Variants in SNX29 observed in about 807,000 individuals in gnomAD.
The protein encoded by SNX29 is sorting nexin-29.
SNX29 carries 78 observed loss-of-function variants against 102.1 expected under a neutral mutation model. The observed-to-expected ratio is 0.76, with a 90% CI of 0.64 to 0.92. The LOEUF (loss-of-function observed/expected upper bound fraction) is 0.92. Among genes scored for constraint, SNX29 ranks in the 40% least tolerant of loss-of-function variants. The pLI is 0.00. For synonymous variants in SNX29, 580 were observed against 414.5 expected, an observed-to-expected ratio of 1.40 and a Z score of -4.85; for missense variants, 1,280 against 1,061.7, an observed-to-expected ratio of 1.21 and a Z score of -2.86.
chr16:12,153,308 T>A (rs1356030811), intron 13 of SNX29, among the ~76,000 whole-genome samples: 1 of 151,774 alleles, frequency 6.6e-6, no homozygotes, highest in Non-Finnish European at 1.5e-5. Context: ...GTACAGAGGG[T>A]CATGACATCT....
In SNX29 at chr16:12,356,623, C is replaced by G. The variant is rs762883342; in HGVS notation, c.1899+344C>G. Among the ~76,000 whole-genome samples the G allele has an allele frequency of 2.7e-4, 41 of 152,166 alleles. 1 individual carries two copies. The highest frequency in any genetic ancestry group is 7.3e-5 in the Non-Finnish European group (5 of 68,032). On this transcript the variant is annotated intron_variant, in intron 16 of 20. Transcript: ENST00000566228. ...TTGGTTTTGTGTTGTTAACTTTTAC[C>G]TACATGGTATTACTGTTGTATGTAT...
rs1206475519 is a variant in SNX29 at position 12,425,543 on chromosome 16, AATAAAAAAAAT to A, written c.2037+22016_2037+22026del. 1.7e-4 allele frequency among the ~76,000 whole-genome samples: 8 copies of A among 47,726 alleles called. 1 individual carries two copies. The highest frequency in any genetic ancestry group is 4.6e-4 in the Non-Finnish European group (8 of 17,414). 31.3% of individuals were successfully genotyped at this position (47,726 alleles called of 152,430 possible). On this transcript the variant is annotated intron_variant, in intron 18 of 20. Coordinates refer to ENST00000566228, the MANE Select transcript of SNX29 (RefSeq NM_032167.5). ...ATGACCAGAGTTAAAAAAAAAAAAAAATAAAAAAAATAAAAAGAGGGAATAGAAAACAGAGG... is the reference window on the plus strand; with the variant it reads ...ATGACCAGAGTTAAAAAAAAAAAAAAAAAAAGAGGGAATAGAAAACAGAGG...
Position 12,549,531 on chromosome 16 carries a change from A to AT in SNX29, c.2319-18975_2319-18974insT, listed in dbSNP as rs2077830762. 1.5e-4 allele frequency among the ~76,000 whole-genome samples: 5 copies of AT among 33,664 alleles called. No individual in the cohort carries two copies. In the African/African-American group the frequency reaches 4.1e-3, roughly 28 times the overall value. The allele number at this position is 33,664 out of a possible 152,430, so 22.1% of individuals were successfully genotyped here. On this transcript the variant is annotated intron_variant, in intron 20 of 20. Transcript: ENST00000566228. ...CATGCCATTTTTCATCCTCTATCTCAAATAGCCAGTAAGGCATGGAGTGGG... is the reference window on the plus strand; with the variant it reads ...CATGCCATTTTTCATCCTCTATCTCATAATAGCCAGTAAGGCATGGAGTGGG...
chr16:12,537,607 A>G (rs1276158704), intron 20 of SNX29, among the ~76,000 whole-genome samples: 2 of 152,202 alleles, frequency 1.3e-5, no homozygotes, highest in Admixed American at 1.3e-4. Flanking sequence ...CTCTCACTTC[A>G]GTCCCAAAAT....
At chr16:12,389,365 G>A (rs371068985) in intron 16 of SNX29, among the ~76,000 whole-genome samples, 5 of 152,140 alleles carry the variant, frequency 3.3e-5, no homozygotes, top group Non-Finnish European at 7.3e-5. Context: ...AATCACGGGG[G>A]CGGTTTCCTC....
chr16:12,057,196 A>G (rs1712205041), intron 8 of SNX29, among the ~76,000 whole-genome samples: 1 of 152,242 alleles, frequency 6.6e-6, no homozygotes, highest in African/African-American at 2.4e-5. Context: ...AGAAAGGACT[A>G]CAAACATATG....
intron 16 of SNX29, among the ~76,000 whole-genome samples, chr16:12,382,803 A>G (rs2432626): frequency 0.4 from 60,977 of 151,700 alleles, 13,636 homozygotes; most frequent in East Asian, 0.58. Context: ...TGGCCGTGTC[A>G]CACCAATCTC....
intron 14 of SNX29, among the ~76,000 whole-genome samples, chr16:12,240,315 C>A (rs2078063635): frequency 1.3e-5 from 2 of 152,198 alleles, no homozygotes; most frequent in African/African-American, 2.4e-5. Flanking sequence ...TTGACGCCAG[C>A]TGTGTATGAG....
intron 20 of SNX29, among the ~76,000 whole-genome samples, chr16:12,530,596 C>T (rs1029605416): frequency 6.6e-6 from 1 of 151,696 alleles, no homozygotes; most frequent in Non-Finnish European, 1.5e-5. Context: ...GCTCTTGTCG[C>T]CCAGGCTAGA....
intron 19 of SNX29, chr16:12,515,461 A>C (rs2089821825): frequency 2.1e-6 from 1 of 480,226 alleles, no homozygotes; most frequent in African/African-American, 2.0e-5. Context: ...TAGATCAGTC[A>C]GCTCTGAAAT....
intron 18 of SNX29, among the ~76,000 whole-genome samples, chr16:12,413,278 C>T (rs897807492): frequency 6.6e-6 from 1 of 152,078 alleles, no homozygotes; most frequent in African/African-American, 2.4e-5. Context: ...CCAGGTCACT[C>T]TTGCTGAAGT....
intron 11 of SNX29, among the ~76,000 whole-genome samples, chr16:12,079,511 A>C (rs2051756405): frequency 7.0e-6 from 1 of 142,464 alleles, no homozygotes; most frequent in South Asian, 2.2e-4. Context: ...CTTGTTCCCA[A>C]TTAAAAAAAA....
At chr16:12,409,554 G>T (rs753209334) in intron 18 of SNX29, among the ~76,000 whole-genome samples, 1 of 148,666 alleles carries the variant, frequency 6.7e-6, no homozygotes. Flanking sequence ...TCAGCCTCCC[G>T]AGTAGCTGGG....
At chr16:12,388,640 A>G (rs1345901194) in intron 16 of SNX29, among the ~76,000 whole-genome samples, 1 of 152,222 alleles carries the variant, frequency 6.6e-6, no homozygotes, top group Non-Finnish European at 1.5e-5. Flanking sequence ...AAGCGGTCAT[A>G]GATGATACAT....
rs1008785951 is a variant in SNX29, at chr16:12,008,347, G to T, written c.122+5304G>T. ...TGCAATGGCGCGATCTTGGCTCACC[G>T]CAACCTCTGCCTCCTGGGTTCAAGC... On this transcript the variant is annotated intron_variant, in intron 3 of 20. Coordinates refer to ENST00000566228, the MANE Select transcript of SNX29 (RefSeq NM_032167.5). Among the ~76,000 whole-genome samples the T allele has an allele frequency of 4.6e-5, 7 of 152,044 alleles. No individual in the cohort carries two copies. In the East Asian group the frequency reaches 1.2e-3, roughly 25 times the overall value.
intron 14 of SNX29, among the ~76,000 whole-genome samples, chr16:12,212,401 G>A (rs574164894): frequency 2.6e-5 from 4 of 152,140 alleles, no homozygotes; most frequent in Non-Finnish European, 5.9e-5. Context: ...AGGCTACTTC[G>A]TCCATGGTAG....
rs780253205 is a variant in SNX29 at position 12,398,473 on chromosome 16, G to A, written c.1927G>A (p.Glu643Lys). Reference protein sequence around the residue: ...PVPGDLSQTSEDQSLSDFEIS... With the variant: ...PVPGDLSQTSKDQSLSDFEIS... ...GCCTGGAGATTTGAGTCAAACGTCC[G>A]AAGACCAGAGTTTGTCGGATTTTGA... The change falls in exon 17 of 21, where the codon GAA becomes AAA. Residue 643 changes from glutamate (E) to lysine (K), a missense_variant. Transcript: ENST00000566228. The A allele has an allele frequency of 6.2e-6, 10 of 1,613,936 alleles. No individual in the cohort carries two copies. Among genetic ancestry groups the A allele is most frequent in the East Asian group, 4.5e-5 (2 of 44,874 alleles).
At chr16:12,215,529 C>T (rs2077300510) in intron 14 of SNX29, among the ~76,000 whole-genome samples, 1 of 152,096 alleles carries the variant, frequency 6.6e-6, no homozygotes, top group Non-Finnish European at 1.5e-5. Flanking sequence ...ACTGGGGTGA[C>T]TGGGTAGGCA....
rs946999695 is a variant in SNX29 at position 12,571,364 on chromosome 16, T to C, written c.*2735T>C. The C allele has an allele frequency of 3.5e-5, 8 of 231,176 alleles. No individual in the cohort carries two copies. Among genetic ancestry groups the C allele is most frequent in the Non-Finnish European group, 6.0e-5 (7 of 116,940 alleles). 14.3% of individuals were successfully genotyped at this position (231,176 alleles called of 1,614,324 possible). On this transcript the variant is annotated 3_prime_UTR_variant, in exon 21 of 21. Transcript: ENST00000566228. ...GAGGGCTAAGCCACGACCTTATCCA[T>C]GAGTGGCGAAGACACCCCTGAGGAA...
Sources: gnomAD v4.1 joint callset for allele counts (sites outside exome capture counted in the v4.1 genomes callset) on GRCh38, gnomAD v4.1.1 for gene constraint, MANE v1.5 for transcripts, NCBI Gene and HGNC (gene_info 2026-07-23, HGNC 2026-07-21) for gene names.